The following SDK1 variants were observed in gnomAD, a reference collection of about 807,000 sequenced individuals.
SDK1 encodes the protein sidekick cell adhesion molecule 1, also known as protein sidekick-1.
A neutral mutation model predicts 245.5 loss-of-function variants in SDK1; 157 were observed. That is an observed-to-expected ratio of 0.64 (90% CI 0.56 to 0.73). SDK1 has a LOEUF of 0.73. Ranked by LOEUF, SDK1 falls within the 30% of genes least tolerant of loss-of-function variation. SDK1 has a pLI of 0.00. For missense variants in SDK1, 3,583 were observed against 3,002.3 expected (o/e 1.19, Z -4.52); for synonymous variants, 1,647 against 1,278.5 (o/e 1.29, Z -6.15).
At chr7:3,525,734 C>T (rs1783105908) in intron 1 of SDK1, among the ~76,000 whole-genome samples, 1 of 152,084 alleles carries the variant, frequency 6.6e-6, no homozygotes, top group South Asian at 2.1e-4. Flanking sequence ...TCCCAAATGC[C>T]CTATTATTTC....
In SDK1 at chr7:3,691,586, A is replaced by G. The variant is rs116478846; in HGVS notation, c.713+49481A>G. Among the ~76,000 whole-genome samples, 1,139 of 152,230 alleles carry G rather than the reference A, an allele frequency of 7.5e-3. 17 individuals carry two copies. Among genetic ancestry groups the G allele is most frequent in the African/African-American group, 0.026 (1,075 of 41,532 alleles). On this transcript the variant is annotated intron_variant, in intron 4 of 44. Coordinates refer to ENST00000404826, the MANE Select transcript of SDK1 (RefSeq NM_152744.4). The stretch of plus-strand genomic sequence containing the variant: ...TAGAAGATAAATGTTTTCTGCCGGC[A>G]TGATATTTTAAAAGGAAAAATATGA...
chr7:4,136,741 G>A (rs1035706313), intron 28 of SDK1, among the ~76,000 whole-genome samples: 5 of 152,232 alleles, frequency 3.3e-5, no homozygotes, highest in South Asian at 2.1e-4. Flanking sequence ...GGCCAGACAC[G>A]CGGGATCCCG....
chr7:3,533,618 T>G (rs1363179915), intron 1 of SDK1, among the ~76,000 whole-genome samples: 2 of 152,202 alleles, frequency 1.3e-5, no homozygotes, highest in African/African-American at 4.8e-5. Context: ...ATTTAGAAAT[T>G]CATGTTCTGA....
intron 1 of SDK1, among the ~76,000 whole-genome samples, chr7:3,460,465 A>C (rs866035208): frequency 5.3e-5 from 8 of 152,212 alleles, no homozygotes; most frequent in Non-Finnish European, 1.0e-4. Context: ...AGATTTTATA[A>C]CTTTTTGTGC....
intron 4 of SDK1, among the ~76,000 whole-genome samples, chr7:3,811,733 C>G (rs1213262324): frequency 1.3e-5 from 2 of 152,190 alleles, no homozygotes; most frequent in Non-Finnish European, 2.9e-5. Context: ...CCGGCCAGAG[C>G]TCCGGTGGAA....
intron 1 of SDK1, among the ~76,000 whole-genome samples, chr7:3,337,485 A>T (rs1317098006): frequency 6.6e-6 from 1 of 152,150 alleles, no homozygotes; most frequent in Non-Finnish European, 1.5e-5. Flanking sequence ...CTGAAGAAAT[A>T]ATCTGACTAT....
In SDK1 at chr7:4,265,193, A is replaced by G. The variant is rs746021057; in HGVS notation, c.6451A>G (p.Thr2151Ala). ...SFVNHYMSDP[T>A]YYNSWKRRAQ... ...CGTGAACCACTACATGAGCGACCCC[A>G]CCTACTACAACTCATGGAAGCGCAG... Residue 2151 changes from threonine (T) to alanine (A), a missense_variant, in exon 45 of 45, where the codon ACC becomes GCC. By Grantham distance (58) the Thr-to-Ala change is moderately conservative (BLOSUM62 0). Transcript: ENST00000404826. 5 of 1,611,732 alleles carry G rather than the reference A, an allele frequency of 3.1e-6. No homozygotes were observed. In the East Asian group the frequency reaches 1.1e-4, roughly 36 times the overall value.
At chr7:3,476,359 T>A (rs1445774152) in intron 1 of SDK1, among the ~76,000 whole-genome samples, 3 of 152,214 alleles carry the variant, frequency 2.0e-5, no homozygotes, top group African/African-American at 7.2e-5. Flanking sequence ...CATCTAACAC[T>A]ACCAGGGCTA....
intron 4 of SDK1, among the ~76,000 whole-genome samples, chr7:3,739,542 T>A (rs1050599235): frequency 6.6e-6 from 1 of 152,158 alleles, no homozygotes; most frequent in Admixed American, 6.5e-5. Flanking sequence ...GTGATTCTTT[T>A]TCTGCAGATT....
rs112985529 is a variant in SDK1 at position 3,436,880 on chromosome 7, A to G, written c.298+134996A>G. Among the ~76,000 whole-genome samples, 158 of 152,324 alleles carry G rather than the reference A, an allele frequency of 1.0e-3. 1 individual carries two copies. Among genetic ancestry groups the G allele is most frequent in the African/African-American group, 3.2e-3 (132 of 41,572 alleles). The stretch of plus-strand genomic sequence containing the variant: ...CCCTCCCCAAGAACCTACATAGACA[A>G]TAGAATGTTCTGTAATGAAAGTGTA... On this transcript the variant is annotated intron_variant, in intron 1 of 44. Transcript: ENST00000404826.
At chr7:3,731,111 G>A (rs1489913125) in intron 4 of SDK1, among the ~76,000 whole-genome samples, 4 of 152,166 alleles carry the variant, frequency 2.6e-5, no homozygotes, top group Non-Finnish European at 5.9e-5. Context: ...TTGGCTAGGT[G>A]TTTCTGCTAG....
chr7:4,267,180 C>G lies in SDK1; in HGVS notation c.*1796C>G. On this transcript the variant is annotated 3_prime_UTR_variant, in exon 45 of 45. Coordinates refer to ENST00000404826, the MANE Select transcript of SDK1 (RefSeq NM_152744.4). The stretch of plus-strand genomic sequence containing the variant: ...GCAAGTTTCCTTTTTTCTCTCCTCC[C>G]TTCCTTCCCCTCCTTCCTTTCCTTT... 2.1e-6 allele frequency: 2 copies of G among 972,482 alleles called. No homozygotes were observed. Among genetic ancestry groups the G allele is most frequent in the Non-Finnish European group, 2.4e-6 (2 of 818,380 alleles). 60.2% of individuals were successfully genotyped at this position (972,482 alleles called of 1,614,324 possible).
intron 28 of SDK1, among the ~76,000 whole-genome samples, chr7:4,144,722 C>T (rs573908574): frequency 3.3e-5 from 5 of 152,114 alleles, no homozygotes; most frequent in Non-Finnish European, 7.3e-5. Flanking sequence ...AGCGTGGGGT[C>T]GCCCGGCAGC....
At chr7:3,468,415 C>G (rs1057203653) in intron 1 of SDK1, among the ~76,000 whole-genome samples, 3 of 152,042 alleles carry the variant, frequency 2.0e-5, no homozygotes, top group African/African-American at 7.3e-5. Flanking sequence ...CATTCTCCCC[C>G]GAATCTACCC....
intron 38 of SDK1, among the ~76,000 whole-genome samples, chr7:4,218,689 C>T (rs1376912973): frequency 6.6e-6 from 1 of 152,126 alleles, no homozygotes; most frequent in African/African-American, 2.4e-5. Flanking sequence ...AGCAGGAGGG[C>T]AGGGCTGGGC....
At chr7:4,023,942 CCTT>C (rs1426741242) in intron 17 of SDK1, among the ~76,000 whole-genome samples, 1 of 152,154 alleles carries the variant, frequency 6.6e-6, no homozygotes, top group Admixed American at 6.5e-5. Context: ...TTAGCAAACT[CCTT>C]CTATACATTT....
chr7:3,553,558 G>A, intron 1 of SDK1, among the ~76,000 whole-genome samples: 1 of 152,132 alleles, frequency 6.6e-6, no homozygotes, highest in East Asian at 1.9e-4. Context: ...CTCTGAACTA[G>A]CAACCGAGAT....
chr7:4,160,688 A>G (rs1268214837), intron 31 of SDK1, among the ~76,000 whole-genome samples: 1 of 152,202 alleles, frequency 6.6e-6, no homozygotes, highest in Non-Finnish European at 1.5e-5. Context: ...ACTCAAGGAC[A>G]TTGAGAACTC....
chr7:3,760,793 A>C (rs1052220897), intron 4 of SDK1, among the ~76,000 whole-genome samples: 5 of 152,210 alleles, frequency 3.3e-5, no homozygotes, highest in African/African-American at 4.8e-5. Context: ...TATCATTAGG[A>C]TCATACGGCA....
Sources: allele counts gnomAD v4.1 joint callset (sites outside exome capture counted in the v4.1 genomes callset), GRCh38; gene constraint gnomAD v4.1.1; transcripts MANE v1.5; gene names NCBI Gene and HGNC (gene_info 2026-07-23, HGNC 2026-07-21).